Variants in NACC2 observed in about 807,000 individuals in gnomAD.
NACC2 encodes nucleus accumbens-associated protein 2.
NACC2 carries 8 observed loss-of-function variants against 25.1 expected under a neutral mutation model. The observed-to-expected ratio is 0.32, with a 90% CI of 0.19 to 0.57. The LOEUF is 0.57. Ranked by LOEUF, NACC2 falls within the 20% of genes least tolerant of loss-of-function variation. NACC2 has a pLI of 0.89. For missense variants in NACC2, 644 were observed against 650.2 expected, an observed-to-expected ratio of 0.99 and a Z score of 0.10; for synonymous variants, 435 against 294.7, an observed-to-expected ratio of 1.48 and a Z score of -4.88.
At chr9:136,061,219 C>T (rs991054059) in intron 1 of NACC2, among the ~76,000 whole-genome samples, 3 of 152,150 alleles carry the variant, frequency 2.0e-5, no homozygotes, top group African/African-American at 4.8e-5. Flanking sequence ...ACTGCCTGGT[C>T]GGGAGGGACA....
chr9:136,058,600 G>A (rs1455406169), intron 1 of NACC2, among the ~76,000 whole-genome samples: 2 of 152,202 alleles, frequency 1.3e-5, no homozygotes, highest in African/African-American at 4.8e-5. Flanking sequence ...GAGGGAAGAG[G>A]GCAAAGGCTG....
At chr9:136,085,765 C>A (rs1045337083) in intron 1 of NACC2, among the ~76,000 whole-genome samples, 4 of 152,236 alleles carry the variant, frequency 2.6e-5, no homozygotes, top group Non-Finnish European at 5.9e-5. Flanking sequence ...ATTACTTTAT[C>A]TTTTACCTTT....
rs1157242416 is a variant in NACC2, at chr9:136,040,922, T to C, written c.886+8714A>G. ...GCTGCAATGAGTAGAGATTGTGCCATTGCACTCCAGCCCAGGCGACAGAGT... is the reference window on the plus strand; with the variant it reads ...GCTGCAATGAGTAGAGATTGTGCCACTGCACTCCAGCCCAGGCGACAGAGT... On this transcript the variant is annotated intron_variant, in intron 2 of 5. Coordinates refer to ENST00000277554, the MANE Select transcript of NACC2 (RefSeq NM_144653.5). 2.7e-5 allele frequency among the ~76,000 whole-genome samples: 4 copies of C among 147,580 alleles called. No homozygotes were observed. In the East Asian group the frequency reaches 8.1e-4, roughly 30 times the overall value.
intron 1 of NACC2, among the ~76,000 whole-genome samples, chr9:136,076,642 C>T (rs1041832784): frequency 2.6e-5 from 4 of 152,184 alleles, no homozygotes; most frequent in Non-Finnish European, 5.9e-5. Flanking sequence ...AATGTTCTTA[C>T]TGCCACTGAA....
At chr9:136,087,069 T>A (rs1830386868) in intron 1 of NACC2, among the ~76,000 whole-genome samples, 1 of 152,200 alleles carries the variant, frequency 6.6e-6, no homozygotes, top group African/African-American at 2.4e-5. Context: ...TGGACACAGA[T>A]GCACAGAAGG....
At chr9:136,080,194 C>T (rs950507180) in intron 1 of NACC2, among the ~76,000 whole-genome samples, 2 of 152,218 alleles carry the variant, frequency 1.3e-5, no homozygotes, top group African/African-American at 4.8e-5. Context: ...CCACGCCACA[C>T]CAGGGATGGT....
At position 136,016,332 on chromosome 9, in the gene NACC2, G is replaced by T. The variant is rs766849471; in HGVS notation, c.984C>A (p.Ile328=). ...AGAGCTTGGGATGGCAGCGGTATCC[G>T]ATCTGGCTGATGAGGCTGGCAGGTA... is the stretch of plus-strand genomic sequence containing the variant. ...VALPASLISQ[I]GYRCHPKLYS... is the part of the protein sequence containing the mutation. The change falls in exon 3 of 6, where the codon ATC becomes ATA. Residue 328 remains isoleucine (I), a synonymous_variant. Coordinates refer to ENST00000277554, the MANE Select transcript of NACC2 (RefSeq NM_144653.5). 4 of 1,612,638 alleles carry T rather than the reference G, an allele frequency of 2.5e-6. No homozygotes were observed. The highest frequency in any genetic ancestry group is 1.7e-5 in the Admixed American group (1 of 60,026).
In NACC2 at chr9:136,077,395, C is replaced by CA. The variant is rs756667826; in HGVS notation, c.-60+17793dup. Among the ~76,000 whole-genome samples, 34 of 151,846 alleles carry CA rather than the reference C, an allele frequency of 2.2e-4. No homozygotes were observed. In the East Asian group the frequency reaches 2.7e-3, roughly 12 times the overall value. On this transcript the variant is annotated intron_variant, in intron 1 of 5. Transcript: ENST00000277554. Reference sequence around the variant, plus strand: ...GCCTTTGGCAAAACAAACAAACAAACAACAAAAACCCTAACAGGGCACAAA... The same window carrying CA: ...GCCTTTGGCAAAACAAACAAACAAACAAACAAAAACCCTAACAGGGCACAAA...
intron 1 of NACC2, among the ~76,000 whole-genome samples, chr9:136,067,106 T>C (rs1216135538): frequency 6.6e-6 from 1 of 151,798 alleles, no homozygotes; most frequent in African/African-American, 2.4e-5. Context: ...AATACAAAAT[T>C]AGCCAGGCGT....
Position 136,084,689 on chromosome 9 carries a change from C to T in NACC2, c.-60+10500G>A, listed in dbSNP as rs907563243. ...GCCAAGAGGCAAGTGGCCCCAGGGT[C>T]CGCCAATGGGTGACAGTCAAAGGAA... On this transcript the variant is annotated intron_variant, in intron 1 of 5. Transcript: ENST00000277554. The surrounding 1 kb of genome is among the most constrained non-coding windows in gnomAD (Gnocchi z 5.1). Among the ~76,000 whole-genome samples, 1 of 152,260 alleles carries T rather than the reference C, an allele frequency of 6.6e-6. No individual in the cohort carries two copies. The highest frequency in any genetic ancestry group is 1.5e-5 in the Non-Finnish European group (1 of 68,048).
At chr9:136,024,528 T>TGGACA (rs1840356705) in intron 2 of NACC2, among the ~76,000 whole-genome samples, 1 of 121,882 alleles carries the variant, frequency 8.2e-6, no homozygotes, top group Non-Finnish European at 1.7e-5. Context: ...TGTGTGTGTG[T>TGGACA]GTGTGGACAG....
At chr9:136,080,087 C>A (rs1830305461) in intron 1 of NACC2, among the ~76,000 whole-genome samples, 1 of 152,202 alleles carries the variant, frequency 6.6e-6, no homozygotes, top group Admixed American at 6.5e-5. Flanking sequence ...GACACACAGT[C>A]CCTACCCCGG....
intron 1 of NACC2, among the ~76,000 whole-genome samples, chr9:136,053,077 T>C (rs1036338381): frequency 3.9e-5 from 6 of 152,220 alleles, no homozygotes; most frequent in African/African-American, 1.4e-4. Flanking sequence ...CCCCTCCTGC[T>C]TGGCCAGCTG....
In NACC2 at chr9:136,083,589, A is replaced by T. The variant is rs539594343; in HGVS notation, c.-60+11600T>A. 1.1e-4 allele frequency among the ~76,000 whole-genome samples: 16 copies of T among 152,352 alleles called. No individual in the cohort carries two copies. In the East Asian group the frequency reaches 2.9e-3, roughly 28 times the overall value. ...AGAAGGGAAAACGCGGACACCTGTG[A>T]AGAGCGCCGTGCAGAGGCCAGGCCG... On this transcript the variant is annotated intron_variant, in intron 1 of 5. Transcript: ENST00000277554.
rs909257183 is a variant in NACC2 at position 136,011,717 on chromosome 9, G to A, written c.1563C>T (p.Ala521=). ...CGCCGGCGTCGAAGGCGGGGTTGGC[G>A]GCGGCACTCAGGTCAACATTCACGG... ...TDAVNVDLSA[A]ANPAFDAGEE... Residue 521 remains alanine (A), a synonymous_variant, in exon 6 of 6, where the codon GCC becomes GCT. Transcript: ENST00000277554. 1.7e-5 allele frequency: 25 copies of A among 1,514,884 alleles called. No individual in the cohort carries two copies. The highest frequency in any genetic ancestry group is 1.1e-4 in the African/African-American group (8 of 70,572). 93.8% of individuals were successfully genotyped at this position (1,514,884 alleles called of 1,614,324 possible).
chr9:136,079,324 G>A (rs1359591243), intron 1 of NACC2, among the ~76,000 whole-genome samples: 2 of 152,196 alleles, frequency 1.3e-5, no homozygotes, highest in Non-Finnish European at 2.9e-5. Context: ...CCACCTTCAG[G>A]CCTGATGGAA....
chr9:136,012,202 T>G (rs970783982), intron 5 of NACC2, among the ~76,000 whole-genome samples, 178 bp from the exon 6 acceptor site: 10 of 152,208 alleles, frequency 6.6e-5, no homozygotes, highest in Admixed American at 2.6e-4. Context: ...TTCTCACTGC[T>G]CGGCCTGGGA....
intron 1 of NACC2, among the ~76,000 whole-genome samples, chr9:136,054,729 C>T (rs1352970824): frequency 6.6e-6 from 1 of 152,074 alleles, no homozygotes; most frequent in African/African-American, 2.4e-5. Flanking sequence ...CCAAGCAACA[C>T]CTCCTATTGT....
chr9:136,051,148 G>C (rs1241228260), intron 1 of NACC2, among the ~76,000 whole-genome samples: 1 of 152,170 alleles, frequency 6.6e-6, no homozygotes, highest in Non-Finnish European at 1.5e-5. Flanking sequence ...GCGTCCCCTA[G>C]TCCCCCTGAG....
Sources: allele counts gnomAD v4.1 joint callset (sites outside exome capture counted in the v4.1 genomes callset), GRCh38; gene constraint gnomAD v4.1.1; non-coding constraint Gnocchi (gnomAD v3.1); transcripts MANE v1.5; gene names NCBI Gene and HGNC (gene_info 2026-07-23, HGNC 2026-07-21).